NBPF9: variants seen among roughly 807,000 people sequenced by gnomAD.
The protein encoded by NBPF9 is NBPF family member NBPF9.
NBPF9 carries 91 observed loss-of-function variants against 97.8 expected under a neutral mutation model. The observed-to-expected ratio is 0.93, with a 90% CI of 0.79 to 1.11. The LOEUF (loss-of-function observed/expected upper bound fraction) is 1.11, where lower values mean the gene tolerates loss of function less well. NBPF9 is among the 50% of genes least tolerant of loss of function. The probability of loss-of-function intolerance (pLI) is 0.00; values close to 1 mark genes in which losing one functional copy is unlikely to be tolerated. For missense variants in NBPF9, 992 were observed against 939.5 expected, an observed-to-expected ratio of 1.06 and a Z score of -0.73; for synonymous variants, 334 against 359.5, an observed-to-expected ratio of 0.93 and a Z score of 0.80.
chr1:149,059,895 C>T lies in NBPF9; in HGVS notation c.2477-87G>A. 3 of 475,642 alleles carry T rather than the reference C, an allele frequency of 6.3e-6. 1 individual carries two copies. The highest frequency in any genetic ancestry group is 2.6e-5 in the African/African-American group (1 of 38,504). 29.5% of individuals were successfully genotyped at this position (475,642 alleles called of 1,614,324 possible). On this transcript the variant is annotated intron_variant, in intron 24 of 29. Coordinates refer to ENST00000584027, the Ensembl canonical transcript of NBPF9. ...CACTGTCTAATCCTCACACAGGGACCTCAGGCTCCTCAGCATAAGAATAGG... is the reference window on the plus strand; with the variant it reads ...CACTGTCTAATCCTCACACAGGGACTTCAGGCTCCTCAGCATAAGAATAGG...
intron 16 of NBPF9, among the ~76,000 whole-genome samples, chr1:149,070,125 A>T (rs1310939315): frequency 3.5e-5 from 5 of 141,714 alleles, no homozygotes; most frequent in Non-Finnish European, 6.1e-5. Flanking sequence ...GTTCAGGACT[A>T]CCCTGGCCAA....
chr1:149,085,650 T>A (rs1245493265), intron 5 of NBPF9, among the ~76,000 whole-genome samples: 1 of 152,068 alleles, frequency 6.6e-6, no homozygotes, highest in Non-Finnish European at 1.5e-5. Context: ...TCATTGCATG[T>A]ATTGTTAAGC....
intron 3 of NBPF9, 109 bp downstream of exon 3, chr1:149,101,153 G>C (rs1387322347): frequency 2.6e-5 from 4 of 151,586 alleles, no homozygotes; most frequent in Non-Finnish European, 5.9e-5. Context: ...TTGGGAGGCC[G>C]AGGCAGATGT....
At chr1:149,075,553 G>A (rs2079787030) in intron 12 of NBPF9, 102 bp downstream of exon 12, 21 of 1,395,098 alleles carry the variant, frequency 1.5e-5, no homozygotes, top group Non-Finnish European at 1.9e-5. Flanking sequence ...CTAGAAGTAT[G>A]GGGAGGATGA....
At chr1:149,070,166 C>A (rs1219217994) in intron 16 of NBPF9, among the ~76,000 whole-genome samples, 3 of 148,794 alleles carry the variant, frequency 2.0e-5, no homozygotes, top group Non-Finnish European at 4.4e-5. Context: ...ACTAAAAATA[C>A]AAAAATTAGC....
intron 19 of NBPF9, among the ~76,000 whole-genome samples, chr1:149,064,176 A>C (rs1553651040): frequency 7.1e-6 from 1 of 139,948 alleles, no homozygotes; most frequent in South Asian, 2.4e-4. Context: ...AATGTGCTCA[A>C]GTTTCCCTGC....
intron 5 of NBPF9, among the ~76,000 whole-genome samples, chr1:149,084,978 G>A (rs1384033334): frequency 6.6e-6 from 1 of 151,922 alleles, no homozygotes; most frequent in Non-Finnish European, 1.5e-5. Context: ...AACAAGTAAT[G>A]TTATGAAATG....
chr1:149,062,769 A>C, intron 21 of NBPF9, 93 bp downstream of exon 21: 1 of 773,778 alleles, frequency 1.3e-6, no homozygotes, highest in South Asian at 1.3e-5. Context: ...ACCTCCGTTG[A>C]AAACATGAAA....
At chr1:149,074,000 T>A in intron 12 of NBPF9, 130 bp from the exon 13 acceptor site, 3 of 596,954 alleles carry the variant, frequency 5.0e-6, no homozygotes, top group Non-Finnish European at 9.0e-6. Context: ...AGACAGGGAT[T>A]TCCACATCTT....
At chr1:149,081,042 C>G (rs2080387837) in intron 7 of NBPF9, among the ~76,000 whole-genome samples, 1 of 151,970 alleles carries the variant, frequency 6.6e-6, no homozygotes, top group Non-Finnish European at 1.5e-5. Flanking sequence ...TCTTTAGGAA[C>G]AAGAGCCTGT....
At chr1:149,089,164 A>G (rs4067721) in intron 5 of NBPF9, among the ~76,000 whole-genome samples, 32 of 152,140 alleles carry the variant, frequency 2.1e-4, no homozygotes, top group South Asian at 4.1e-4. Context: ...ATCTCCCGCC[A>G]TGACCTCCAG....
At chr1:149,063,141 T>C (rs1473010928) in intron 20 of NBPF9, among the ~76,000 whole-genome samples, 1 of 145,200 alleles carries the variant, frequency 6.9e-6, no homozygotes, top group East Asian at 2.0e-4. Context: ...GTTATCCCAA[T>C]ATCATTTGTC....
intron 20 of NBPF9, 92 bp from the exon 21 acceptor site, chr1:149,063,005 G>C (rs1442295891): frequency 5.0e-6 from 3 of 599,840 alleles, no homozygotes; most frequent in Admixed American, 6.0e-5. Flanking sequence ...GGGACTTCAG[G>C]CTCCTCAGCA....
At chr1:149,065,622 A>T in exon 18 of NBPF9, 1 of 1,603,332 alleles carries the variant, frequency 6.2e-7, no homozygotes, top group Non-Finnish European at 8.5e-7. Context: ...GGAGGAATTG[A>T]GGGAGTCGAA....
chr1:149,063,912 A>T (rs1278902239), intron 19 of NBPF9, 107 bp from the exon 20 acceptor site: 2 of 663,026 alleles, frequency 3.0e-6, no homozygotes, highest in African/African-American at 3.7e-5. Flanking sequence ...AAGAAAAAGG[A>T]CAGATCCATT....
intron 23 of NBPF9, 88 bp from the exon 24 acceptor site, chr1:149,060,783 G>T (rs2152868378): frequency 5.4e-6 from 2 of 368,794 alleles, no homozygotes; most frequent in East Asian, 8.5e-5. Context: ...GCATAGGGAA[G>T]TGGTTAAAAA....
intron 21 of NBPF9, 37 bp downstream of exon 21, chr1:149,062,825 A>G: frequency 4.4e-6 from 3 of 682,382 alleles, no homozygotes; most frequent in Non-Finnish European, 7.9e-6. Context: ...TCCAGGTGTC[A>G]ACACAGAATT....
chr1:149,072,983 C>A, intron 13 of NBPF9, 51 bp from the exon 14 acceptor site: 1 of 1,577,924 alleles, frequency 6.3e-7, no homozygotes. Context: ...TTGAGTGATC[C>A]GCTCAAATAT....
chr1:149,084,248 T>C (rs1553657766), intron 5 of NBPF9, among the ~76,000 whole-genome samples: 1 of 146,212 alleles, frequency 6.8e-6, no homozygotes, highest in South Asian at 2.1e-4. Flanking sequence ...CACGTATATA[T>C]ATATAATATA....
Sources: allele counts gnomAD v4.1 joint callset (sites outside exome capture counted in the v4.1 genomes callset), GRCh38; gene constraint gnomAD v4.1.1; transcripts MANE v1.5; gene names NCBI Gene and HGNC (gene_info 2026-07-23, HGNC 2026-07-21).